The following CIB1 variants were observed in gnomAD, a reference collection of about 807,000 sequenced individuals.
The protein encoded by CIB1 is calcium and integrin binding 1, also known as calcium and integrin-binding protein 1.
Under a neutral mutation model 25.0 loss-of-function variants are expected in CIB1, and 19 were observed. The observed-to-expected ratio is 0.76, with a 90% CI of 0.53 to 1.12. The LOEUF (loss-of-function observed/expected upper bound fraction) is 1.12, where lower values mean the gene tolerates loss of function less well. Among genes scored for constraint, CIB1 ranks in the 50% most tolerant of loss-of-function variants. The pLI is 0.00. For synonymous variants in CIB1, 104 were observed against 98.5 expected (o/e 1.06, Z -0.33); for missense variants, 236 against 242.6 (o/e 0.97, Z 0.18).
chr15:90,262,603 AC>A, the CIB1 span: 1 of 1,533,622 alleles, frequency 6.5e-7, no homozygotes, highest in Non-Finnish European at 8.7e-7. Flanking sequence ...AGAAAAGCCG[AC>A]CCAGGGCAGG....
the CIB1 span, chr15:90,242,120 ACT>A: frequency 7.0e-7 from 1 of 1,428,148 alleles, no homozygotes; most frequent in South Asian, 1.3e-5. Context: ...ATAGGGTCTC[ACT>A]CTGTCCCCAG....
chr15:90,263,133 T>G, the CIB1 span: 1 of 1,525,668 alleles, frequency 6.6e-7, no homozygotes, highest in Non-Finnish European at 8.7e-7. Context: ...AGAAAAAACT[T>G]CATGAGAGTC....
At chr15:90,256,899 G>A in the CIB1 span, among the ~76,000 whole-genome samples, 2 of 151,912 alleles carry the variant, frequency 1.3e-5, no homozygotes, top group Non-Finnish European at 2.9e-5. Flanking sequence ...TCTTGGCCAG[G>A]CTGGTCTTGA....
At chr15:90,240,862 T>C in the CIB1 span, 1 of 1,295,298 alleles carries the variant, frequency 7.7e-7, no homozygotes, top group South Asian at 1.3e-5. Context: ...TGGAGGTGGG[T>C]TACCATCATG....
the CIB1 span, among the ~76,000 whole-genome samples, chr15:90,255,132 C>A: frequency 6.6e-6 from 1 of 152,204 alleles, no homozygotes; most frequent in Non-Finnish European, 1.5e-5. Flanking sequence ...CCAGGGTATT[C>A]TTTTCCAACG....
At chr15:90,232,673 A>C (rs983672511) in intron 2 of CIB1, among the ~76,000 whole-genome samples, 33 of 152,190 alleles carry the variant, frequency 2.2e-4, no homozygotes, top group Admixed American at 2.2e-3. Flanking sequence ...TTGGGAGGCC[A>C]AGGCGGGCGG....
chr15:90,262,987 A>G, the CIB1 span: 2 of 1,535,868 alleles, frequency 1.3e-6, no homozygotes, highest in South Asian at 2.4e-5. Flanking sequence ...ACAGCTGGAC[A>G]CCATGAGGCC....
At chr15:90,255,787 C>T in the CIB1 span, 11 of 1,614,198 alleles carry the variant, frequency 6.8e-6, no homozygotes, top group Non-Finnish European at 9.3e-6. Flanking sequence ...TGACAGAAAT[C>T]TGCCGCAAAG....
chr15:90,249,949 T>TTATTTATTTATTTATG, the CIB1 span: 1 of 143,628 alleles, frequency 7.0e-6, no homozygotes, highest in East Asian at 1.9e-4. Context: ...GTATTTTATT[T>TTATTTATTTATTTATG]TATTTATTTA....
At chr15:90,242,946 G>T in the CIB1 span, 2 of 152,150 alleles carry the variant, frequency 1.3e-5, no homozygotes, top group African/African-American at 4.8e-5. Context: ...CTTTAAAGGG[G>T]AGAAAATCTG....
chr15:90,259,109 T>C, the CIB1 span: 1 of 1,378,508 alleles, frequency 7.3e-7, no homozygotes, highest in Non-Finnish European at 9.5e-7. Flanking sequence ...ATATCTGTAA[T>C]CCCAGCACTT....
chr15:90,236,624 C>T (rs1355074791), upstream of CIB1, among the ~76,000 whole-genome samples: 2 of 152,006 alleles, frequency 1.3e-5, no homozygotes, highest in African/African-American at 4.8e-5. Context: ...ACCTCTGCCT[C>T]CCAGGTTCAC....
chr15:90,249,637 C>T, the CIB1 span: 1 of 152,246 alleles, frequency 6.6e-6, no homozygotes, highest in Non-Finnish European at 1.5e-5. Context: ...GCTTCCCCCT[C>T]GCGATCGTGG....
chr15:90,254,549 G>A, the CIB1 span, among the ~76,000 whole-genome samples: 1 of 140,054 alleles, frequency 7.1e-6, no homozygotes, highest in African/African-American at 2.5e-5. Flanking sequence ...AATGAGGAAT[G>A]CAGGCTGGGC....
the CIB1 span, chr15:90,242,103 T>G: frequency 1.3e-6 from 2 of 1,519,596 alleles, no homozygotes; most frequent in Admixed American, 1.9e-5. Context: ...TTTTCTTTTC[T>G]TTTGAGATAG....
the CIB1 span, chr15:90,251,643 A>G: frequency 6.3e-7 from 1 of 1,594,070 alleles, no homozygotes; most frequent in Non-Finnish European, 8.6e-7. Flanking sequence ...CATGGTGCCT[A>G]CAGCTGCTGT....
intron 2 of CIB1, 35 bp downstream of exon 2, chr15:90,233,634 C>T: frequency 6.4e-7 from 1 of 1,562,852 alleles, no homozygotes; most frequent in Non-Finnish European, 8.7e-7. Flanking sequence ...CTAGAGGATC[C>T]CGGGGTCGGA....
At chr15:90,259,463 C>T in the CIB1 span, among the ~76,000 whole-genome samples, 1 of 152,126 alleles carries the variant, frequency 6.6e-6, no homozygotes, top group Non-Finnish European at 1.5e-5. Context: ...TTCTCCTCCC[C>T]TTCTCCTCCA....
chr15:90,263,666 C>T, the CIB1 span: 1 of 604,272 alleles, frequency 1.7e-6, no homozygotes, highest in Non-Finnish European at 3.0e-6. Flanking sequence ...AGATTTTTTT[C>T]AGTTACCTCC....
Sources: gnomAD v4.1 joint callset for allele counts (sites outside exome capture counted in the v4.1 genomes callset) on GRCh38, gnomAD v4.1.1 for gene constraint, MANE v1.5 for transcripts, NCBI Gene and HGNC (gene_info 2026-07-23, HGNC 2026-07-21) for gene names.